FAM107B: variants seen among roughly 807,000 people sequenced by gnomAD.
FAM107B encodes the protein protein FAM107B.
FAM107B carries 21 observed loss-of-function variants against 31.5 expected under a neutral mutation model. The ratio of observed to expected loss-of-function variants is 0.67; its 90% confidence interval spans 0.47 to 0.96. FAM107B has a LOEUF of 0.96. Ranked by LOEUF, FAM107B falls within the 40% of genes least tolerant of loss-of-function variation. The pLI is 0.00. For missense variants in FAM107B, 452 were observed against 377.1 expected (o/e 1.20, Z -1.64); for synonymous variants, 157 against 141.5 (o/e 1.11, Z -0.78).
intron 2 of FAM107B, among the ~76,000 whole-genome samples, chr10:14,607,069 T>C (rs1287425514): frequency 6.6e-6 from 1 of 152,184 alleles, no homozygotes; most frequent in Non-Finnish European, 1.5e-5. Flanking sequence ...ACATCTGTGA[T>C]GCAAGGCCAC....
At chr10:14,696,247 T>G (rs1338391442) in intron 1 of FAM107B, among the ~76,000 whole-genome samples, 6 of 152,268 alleles carry the variant, frequency 3.9e-5, no homozygotes, top group Admixed American at 1.3e-4. Flanking sequence ...CATGTGGCCA[T>G]GTGGCTTTTA....
chr10:14,685,560 C>A (rs1366937197), intron 1 of FAM107B, among the ~76,000 whole-genome samples: 2 of 152,244 alleles, frequency 1.3e-5, no homozygotes, highest in Admixed American at 6.5e-5. Flanking sequence ...GTGCCCTTCT[C>A]GTGAGCCATT....
chr10:14,572,214 G>T (rs191913066), intron 2 of FAM107B: 14,522 of 985,420 alleles, frequency 0.015, 130 homozygotes, highest in Non-Finnish European at 0.017. Context: ...ACCAACTCTG[G>T]TACCAGTTAC....
chr10:14,553,845 T>C (rs1849471228), intron 2 of FAM107B, among the ~76,000 whole-genome samples: 1 of 152,166 alleles, frequency 6.6e-6, no homozygotes, highest in South Asian at 2.1e-4. Flanking sequence ...CACTCTGAGG[T>C]AGGTTCTGAG....
chr10:14,724,442 T>C lies in FAM107B; in HGVS notation c.411+49811A>G, dbSNP rs150302265. 4.0e-3 allele frequency among the ~76,000 whole-genome samples: 612 copies of C among 152,356 alleles called. 3 individuals are homozygous for C. The highest frequency in any genetic ancestry group is 7.6e-3 in the Non-Finnish European group (520 of 68,028). On this transcript the variant is annotated intron_variant, in intron 1 of 4. Coordinates refer to ENST00000181796, the MANE Select transcript of FAM107B (RefSeq NM_031453.4). Reference sequence around the variant, plus strand: ...AAAGGGTTTATTTCTAAAATCTTAATTCTATTCCATTGAATAGACTAGAAG... The same window carrying C: ...AAAGGGTTTATTTCTAAAATCTTAACTCTATTCCATTGAATAGACTAGAAG...
At chr10:14,525,300 C>T (rs192986963) in intron 3 of FAM107B, among the ~76,000 whole-genome samples, 4 of 152,144 alleles carry the variant, frequency 2.6e-5, no homozygotes, top group Non-Finnish European at 5.9e-5. Context: ...GTATCACCCA[C>T]GAGTAACAGT....
chr10:14,650,878 C>T (rs1853881008), intron 2 of FAM107B, among the ~76,000 whole-genome samples: 1 of 152,200 alleles, frequency 6.6e-6, no homozygotes, highest in African/African-American at 2.4e-5. Context: ...CTTATGCTTA[C>T]AATGCACTCT....
At chr10:14,723,086 G>T (rs1431255825) in intron 1 of FAM107B, 2 of 373,166 alleles carry the variant, frequency 5.4e-6, no homozygotes, top group Non-Finnish European at 1.0e-5. Context: ...TCTTTGGCAT[G>T]TATCTTTTTT....
At chr10:14,670,908 G>A (rs190988569) in intron 1 of FAM107B, among the ~76,000 whole-genome samples, 2 of 152,202 alleles carry the variant, frequency 1.3e-5, no homozygotes, top group Non-Finnish European at 2.9e-5. Context: ...TCTCTTCAGC[G>A]CAAGTCTGCA....
chr10:14,587,367 T>C (rs561712045), intron 2 of FAM107B, among the ~76,000 whole-genome samples: 1 of 152,356 alleles, frequency 6.6e-6, no homozygotes, highest in East Asian at 1.9e-4. Context: ...TATATTTATT[T>C]AGAAAGAACT....
At chr10:14,592,604 A>G (rs1852057764) in intron 2 of FAM107B, among the ~76,000 whole-genome samples, 1 of 152,204 alleles carries the variant, frequency 6.6e-6, no homozygotes, top group South Asian at 2.1e-4. Context: ...TAATTGAGGC[A>G]TAACTTGCAT....
intron 2 of FAM107B, among the ~76,000 whole-genome samples, chr10:14,651,145 G>A (rs1853887391): frequency 6.6e-6 from 1 of 152,188 alleles, no homozygotes; most frequent in Non-Finnish European, 1.5e-5. Context: ...GACACCACTT[G>A]ACAACTTTAG....
At chr10:14,521,731 G>A in intron 4 of FAM107B, 138 bp downstream of exon 4, 1 of 1,278,496 alleles carries the variant, frequency 7.8e-7, no homozygotes, top group Non-Finnish European at 1.1e-6. Context: ...GACCCCATTT[G>A]CTGACATTTG....
intron 1 of FAM107B, among the ~76,000 whole-genome samples, chr10:14,704,627 A>G (rs527396912): frequency 1.8e-3 from 271 of 152,358 alleles, no homozygotes; most frequent in Middle Eastern, 3.4e-3. Context: ...ACATACAATG[A>G]GCAAAAATAT....
intron 1 of FAM107B, among the ~76,000 whole-genome samples, chr10:14,674,047 A>G (rs1451177103): frequency 1.3e-5 from 2 of 152,210 alleles, no homozygotes; most frequent in Admixed American, 6.5e-5. Flanking sequence ...GGGCATCCAC[A>G]TGCAGAAGAA....
At chr10:14,602,922 G>C (rs1294552797) in intron 2 of FAM107B, 1 of 151,592 alleles carries the variant, frequency 6.6e-6, no homozygotes, top group Non-Finnish European at 1.5e-5. Context: ...CAATATTGTA[G>C]AATTATCATG....
chr10:14,528,231 G>C (rs1484897447), intron 3 of FAM107B, among the ~76,000 whole-genome samples: 1 of 131,028 alleles, frequency 7.6e-6, no homozygotes, highest in Non-Finnish European at 1.5e-5. Context: ...ACCCAGGCTG[G>C]AATGCACTGG....
chr10:14,641,473 C>T (rs779843351), intron 2 of FAM107B, among the ~76,000 whole-genome samples: 13 of 152,132 alleles, frequency 8.5e-5, no homozygotes, highest in African/African-American at 1.7e-4. Context: ...GCTTAAACAA[C>T]GGAAATTCAT....
intron 1 of FAM107B, among the ~76,000 whole-genome samples, chr10:14,751,383 C>A (rs1268004539): frequency 6.6e-6 from 1 of 152,168 alleles, no homozygotes; most frequent in South Asian, 2.1e-4. Context: ...CTTTTGTGAG[C>A]AGAACAGTCC....
Sources: gnomAD v4.1 joint callset for allele counts (sites outside exome capture counted in the v4.1 genomes callset) on GRCh38, gnomAD v4.1.1 for gene constraint, MANE v1.5 for transcripts, NCBI Gene and HGNC (gene_info 2026-07-23, HGNC 2026-07-21) for gene names.